Variants in IMMP1L observed in about 807,000 individuals in gnomAD.
IMMP1L encodes mitochondrial inner membrane protease subunit 1.
IMMP1L carries 24 observed loss-of-function variants against 21.8 expected under a neutral mutation model. The observed-to-expected ratio is 1.10, with a 90% CI of 0.80 to 1.55. The LOEUF is 1.55. Among genes scored for constraint, IMMP1L ranks in the 40% most tolerant of loss-of-function variants. IMMP1L has a pLI of 0.00. For missense variants in IMMP1L, 195 were observed against 200.7 expected (o/e 0.97, Z 0.17); for synonymous variants, 46 against 62.8 (o/e 0.73, Z 1.26).
intron 1 of IMMP1L, among the ~76,000 whole-genome samples, chr11:31,491,701 A>C (rs562432195): frequency 1.3e-5 from 2 of 152,348 alleles, no homozygotes; most frequent in Non-Finnish European, 2.9e-5. Flanking sequence ...GCTCTGGAGA[A>C]GGGCCAAGGA....
At chr11:31,498,930 G>A (rs1440395633) in intron 1 of IMMP1L, among the ~76,000 whole-genome samples, 1 of 152,202 alleles carries the variant, frequency 6.6e-6, no homozygotes, top group Non-Finnish European at 1.5e-5. Flanking sequence ...CATCCATGGA[G>A]AGAGGAGTGG....
At chr11:31,473,976 C>G (rs986489003) in intron 1 of IMMP1L, among the ~76,000 whole-genome samples, 1 of 151,862 alleles carries the variant, frequency 6.6e-6, no homozygotes, top group Non-Finnish European at 1.5e-5. Flanking sequence ...ATTTTTGTTC[C>G]GATAGAGGAA....
At chr11:31,485,667 G>A (rs1175376622) in intron 1 of IMMP1L, among the ~76,000 whole-genome samples, 1 of 151,732 alleles carries the variant, frequency 6.6e-6, no homozygotes, top group East Asian at 1.9e-4. Context: ...TGAGTCAAAC[G>A]GAAGGCACTG....
intron 4 of IMMP1L, among the ~76,000 whole-genome samples, chr11:31,455,919 A>G (rs988193379): frequency 1.3e-5 from 2 of 151,994 alleles, no homozygotes; most frequent in Admixed American, 6.6e-5. Flanking sequence ...GACAGGTTTC[A>G]CCTCTAAGGT....
At chr11:31,458,142 T>A (rs1954008376) in intron 3 of IMMP1L, among the ~76,000 whole-genome samples, 1 of 149,978 alleles carries the variant, frequency 6.7e-6, no homozygotes, top group Admixed American at 6.7e-5. Context: ...ATAGAAATCA[T>A]AATTCAGTCG....
intron 1 of IMMP1L, among the ~76,000 whole-genome samples, chr11:31,476,370 C>T (rs772176603): frequency 1.3e-5 from 2 of 151,946 alleles, no homozygotes; most frequent in Non-Finnish European, 1.5e-5. Context: ...ACCAGTTAAA[C>T]CAAACCCGGG....
intron 1 of IMMP1L, among the ~76,000 whole-genome samples, chr11:31,481,708 T>C (rs1169524723): frequency 6.6e-6 from 1 of 151,958 alleles, no homozygotes; most frequent in East Asian, 1.9e-4. Context: ...TAAATGTTCA[T>C]AACTTGCACA....
At chr11:31,471,897 A>G (rs542886180) in intron 1 of IMMP1L, among the ~76,000 whole-genome samples, 7 of 152,180 alleles carry the variant, frequency 4.6e-5, no homozygotes, top group Non-Finnish European at 1.0e-4. Context: ...CTAAAAAATC[A>G]AGACTGTTTC....
chr11:31,460,367 T>C (rs1954095967), intron 3 of IMMP1L, among the ~76,000 whole-genome samples: 1 of 152,172 alleles, frequency 6.6e-6, no homozygotes, highest in Non-Finnish European at 1.5e-5. Context: ...TAAGCTTACA[T>C]GTATATTGTA....
intron 1 of IMMP1L, among the ~76,000 whole-genome samples, chr11:31,507,901 A>C (rs1955827597): frequency 6.6e-6 from 1 of 152,214 alleles, no homozygotes; most frequent in African/African-American, 2.4e-5. Flanking sequence ...ACGATTCCGG[A>C]ATGTACATAC....
chr11:31,481,132 C>T (rs1954879930), intron 1 of IMMP1L, among the ~76,000 whole-genome samples: 1 of 152,094 alleles, frequency 6.6e-6, no homozygotes, highest in South Asian at 2.1e-4. Context: ...TAGGGAAAAC[C>T]TCCTTGTGAT....
At chr11:31,463,625 T>C (rs1004619880) in intron 1 of IMMP1L, among the ~76,000 whole-genome samples, 1 of 152,186 alleles carries the variant, frequency 6.6e-6, no homozygotes, top group African/African-American at 2.4e-5. Flanking sequence ...TTAAAAAAGA[T>C]AGTAACTCTT....
At chr11:31,453,367 T>G (rs959540836) in intron 4 of IMMP1L, among the ~76,000 whole-genome samples, 4 of 152,228 alleles carry the variant, frequency 2.6e-5, no homozygotes, top group African/African-American at 9.6e-5. Context: ...ATAAACTTTT[T>G]TTGCCTGGAA....
chr11:31,449,305 A>G (rs1953658711), intron 4 of IMMP1L, among the ~76,000 whole-genome samples: 1 of 152,178 alleles, frequency 6.6e-6, no homozygotes, highest in African/African-American at 2.4e-5. Flanking sequence ...ACTTTTAGCT[A>G]AGGGAAATGA....
intron 1 of IMMP1L, among the ~76,000 whole-genome samples, chr11:31,485,139 G>A (rs1234972231): frequency 1.3e-5 from 2 of 151,618 alleles, no homozygotes; most frequent in Admixed American, 1.3e-4. Context: ...CCACTTAAAT[G>A]TTTTCATGAA....
At chr11:31,467,780 ATT>A (rs34229840) in intron 1 of IMMP1L, among the ~76,000 whole-genome samples, 10 of 143,498 alleles carry the variant, frequency 7.0e-5, no homozygotes, top group Non-Finnish European at 4.6e-5. Context: ...AAAGTAGATA[ATT>A]TTTTTTTTTT....
At chr11:31,436,208 T>C (rs972302028) in intron 4 of IMMP1L, among the ~76,000 whole-genome samples, 1 of 152,158 alleles carries the variant, frequency 6.6e-6, no homozygotes, top group Non-Finnish European at 1.5e-5. Flanking sequence ...TTCCACAAAG[T>C]TTTTAGTTTT....
intron 4 of IMMP1L, among the ~76,000 whole-genome samples, chr11:31,455,264 T>C (rs1176082931): frequency 2.0e-5 from 3 of 152,154 alleles, no homozygotes; most frequent in Non-Finnish European, 4.4e-5. Flanking sequence ...AGGATGAATA[T>C]AGAGATAATG....
chr11:31,447,133 A>G (rs1193364740), intron 4 of IMMP1L, among the ~76,000 whole-genome samples: 3 of 152,228 alleles, frequency 2.0e-5, no homozygotes, highest in African/African-American at 7.2e-5. Context: ...AGTGCTCAGT[A>G]AGTGTCTGTG....
Sources: allele counts gnomAD v4.1 joint callset (sites outside exome capture counted in the v4.1 genomes callset), GRCh38; gene constraint gnomAD v4.1.1; transcripts MANE v1.5; gene names NCBI Gene and HGNC (gene_info 2026-07-23, HGNC 2026-07-21).